KCNAB2: variants seen among roughly 807,000 people sequenced by gnomAD.
The protein encoded by KCNAB2 is voltage-gated potassium channel subunit beta-2.
Under a neutral mutation model 63.6 loss-of-function variants are expected in KCNAB2, and 29 were observed. The ratio of observed to expected loss-of-function variants is 0.46; its 90% CI spans 0.34 to 0.62. The LOEUF (loss-of-function observed/expected upper bound fraction) is 0.62, where lower values mean the gene tolerates loss of function less well. Among genes scored for constraint, KCNAB2 ranks in the 20% least tolerant of loss-of-function variants. The pLI is 0.01. For synonymous variants in KCNAB2, 222 were observed against 224.2 expected (o/e 0.99, Z 0.09); for missense variants, 359 against 563.9 (o/e 0.64, Z 3.68).
At chr1:6,037,500 C>T (rs1162227025) in intron 1 of KCNAB2, among the ~76,000 whole-genome samples, 3 of 152,242 alleles carry the variant, frequency 2.0e-5, no homozygotes, top group African/African-American at 7.2e-5. Context: ...TGTCCACGTC[C>T]CTCAGCTACT....
rs149420739 is a variant in KCNAB2, at chr1:6,090,939, G to A, written c.602-324G>A. ...AGAAGCGTTCAGCGCTTTGAAAATC[G>A]GTTTTGGTTACTTTGGCGTTTTTTA... On this transcript the variant is annotated intron_variant, in intron 9 of 15. Coordinates refer to ENST00000378083, the MANE Select transcript of KCNAB2 (RefSeq NM_001199862.2). Among the ~76,000 whole-genome samples the A allele has an allele frequency of 2.9e-4, 44 of 152,298 alleles. No individual in the cohort carries two copies. In the East Asian group the frequency reaches 6.7e-3, roughly 23 times the overall value.
upstream of KCNAB2, among the ~76,000 whole-genome samples, chr1:6,029,968 A>T (rs1659472525): frequency 6.6e-6 from 1 of 152,244 alleles, no homozygotes; most frequent in African/African-American, 2.4e-5. Context: ...AAGACTTCTC[A>T]CTAAAGGAAG....
At chr1:6,056,543 C>T (rs1255992612) in intron 2 of KCNAB2, among the ~76,000 whole-genome samples, 1 of 152,154 alleles carries the variant, frequency 6.6e-6, no homozygotes, top group Non-Finnish European at 1.5e-5. Context: ...AAGCTGTGGC[C>T]GGGCCCACAC....
At chr1:6,068,539 C>T (rs1662939144) in intron 2 of KCNAB2, among the ~76,000 whole-genome samples, 1 of 152,218 alleles carries the variant, frequency 6.6e-6, no homozygotes, top group African/African-American at 2.4e-5. Context: ...GCTTTCCTTG[C>T]TGCTGTCACG....
chr1:6,016,177 A>C (rs1557933827), intron 1 of KCNAB2, among the ~76,000 whole-genome samples: 1 of 152,148 alleles, frequency 6.6e-6, no homozygotes. Context: ...CTGCCTGCTG[A>C]CAGCTTCAGC....
chr1:6,067,253 G>T (rs1662837906), intron 2 of KCNAB2, among the ~76,000 whole-genome samples: 2 of 152,212 alleles, frequency 1.3e-5, no homozygotes, highest in South Asian at 4.1e-4. Flanking sequence ...CTGGTTCCCA[G>T]GTTTCCTGGG....
At chr1:5,999,923 G>T (rs577260262) in intron 1 of KCNAB2, among the ~76,000 whole-genome samples, 2 of 142,656 alleles carry the variant, frequency 1.4e-5, no homozygotes, top group African/African-American at 5.4e-5. Flanking sequence ...TCTGTGCCCC[G>T]TCCGCATCCC....
intron 7 of KCNAB2, among the ~76,000 whole-genome samples, chr1:6,088,626 TC>T (rs1404862171): frequency 6.6e-6 from 1 of 151,852 alleles, no homozygotes; most frequent in Non-Finnish European, 1.5e-5. Context: ...CAAGTGATCC[TC>T]CTGCCTTAGC....
At chr1:6,016,992 C>T (rs1658543346) in intron 1 of KCNAB2, among the ~76,000 whole-genome samples, 1 of 152,134 alleles carries the variant, frequency 6.6e-6, no homozygotes, top group Admixed American at 6.5e-5. Flanking sequence ...GCTGGAAAGT[C>T]AACAAACCAC....
At chr1:6,082,932 G>T (rs1356278862) in intron 5 of KCNAB2, among the ~76,000 whole-genome samples, 2 of 152,192 alleles carry the variant, frequency 1.3e-5, no homozygotes, top group Non-Finnish European at 2.9e-5. Context: ...GGGCTGCTGT[G>T]CACCATAGCT....
intron 1 of KCNAB2, among the ~76,000 whole-genome samples, chr1:5,997,363 C>T (rs1234772075): frequency 6.6e-6 from 1 of 152,038 alleles, no homozygotes; most frequent in Non-Finnish European, 1.5e-5. Flanking sequence ...AGGGGAGAGC[C>T]CGTTGCCCTG....
At chr1:6,004,027 A>G (rs1230751914) in intron 1 of KCNAB2, among the ~76,000 whole-genome samples, 2 of 152,170 alleles carry the variant, frequency 1.3e-5, no homozygotes, top group Non-Finnish European at 2.9e-5. Context: ...TTATTCTTAC[A>G]GTCCCCCGGA....
At chr1:6,019,465 G>T (rs1210017810) in intron 1 of KCNAB2, among the ~76,000 whole-genome samples, 1 of 152,170 alleles carries the variant, frequency 6.6e-6, no homozygotes, top group Non-Finnish European at 1.5e-5. Flanking sequence ...TGTTGCTCAG[G>T]TTCTGGGTGC....
Position 6,087,479 on chromosome 1 carries a change from C to T in KCNAB2, c.438C>T (p.Leu146=), listed in dbSNP as rs143477926. 5.3e-5 allele frequency: 86 copies of T among 1,614,200 alleles called. No individual in the cohort carries two copies. In the East Asian group the frequency reaches 8.0e-4, roughly 15 times the overall value. Residue 146 remains leucine, a synonymous_variant, in exon 7 of 16, where the codon CTC becomes CTT. Transcript: ENST00000378083. The surrounding 1 kb of genome is among the most constrained non-coding windows in gnomAD (Gnocchi z 6.4). ...IKKKGWRRSS[L]VITTKIFWGG... is the part of the protein sequence containing the mutation. Reference sequence around the variant, plus strand: ...TTCTGTTCCACAGGCGGTCCAGCCTCGTCATCACCACCAAGATCTTCTGGG... The same window carrying T: ...TTCTGTTCCACAGGCGGTCCAGCCTTGTCATCACCACCAAGATCTTCTGGG...
Position 6,100,815 on chromosome 1 carries a change from GA to G in KCNAB2, c.*2242del, listed in dbSNP as rs1383730884. On this transcript the variant is annotated 3_prime_UTR_variant, in exon 16 of 16. Transcript: ENST00000378083. ...AGGGCCAGGTCCCCCCTCTCGGGAG[GA>G]GGTATTGGGTAGGACCATCCAAGAA... The G allele has an allele frequency of 2.0e-5, 3 of 152,236 alleles. No homozygotes were observed. The highest frequency in any genetic ancestry group is 4.8e-5 in the African/African-American group (2 of 41,440). 9.4% of individuals were successfully genotyped at this position (152,236 alleles called of 1,614,324 possible). A position where few individuals can be genotyped will look rare whatever the true frequency, so the allele number is the denominator to read the frequency against.
rs1259176479 is a variant in KCNAB2, at chr1:6,100,219, G to A, written c.*1645G>A. 8 of 832,866 alleles carry A rather than the reference G, an allele frequency of 9.6e-6. No homozygotes were observed. Among genetic ancestry groups the A allele is most frequent in the African/African-American group, 6.9e-5 (4 of 58,222 alleles). The allele number at this position is 832,866 out of a possible 1,614,324, so 51.6% of individuals were successfully genotyped here. Reference sequence around the variant, plus strand: ...AAGGCCAGCGGGGAGAGGCTGGGGCGAGGGGAGGAGGGGGATCAGCTTCTG... The same window carrying A: ...AAGGCCAGCGGGGAGAGGCTGGGGCAAGGGGAGGAGGGGGATCAGCTTCTG... On this transcript the variant is annotated 3_prime_UTR_variant, in exon 16 of 16. Coordinates refer to ENST00000378083, the MANE Select transcript of KCNAB2 (RefSeq NM_001199862.2).
chr1:6,041,545 G>A (rs961322278), upstream of KCNAB2: 11 of 481,212 alleles, frequency 2.3e-5, no homozygotes, highest in African/African-American at 1.2e-4. Context: ...ACCCTCACTC[G>A]GAGGTTCACC....
intron 4 of KCNAB2, among the ~76,000 whole-genome samples, chr1:6,080,283 C>T (rs1244705566): frequency 6.6e-6 from 1 of 152,172 alleles, no homozygotes; most frequent in Non-Finnish European, 1.5e-5. Flanking sequence ...GAACAAGCCA[C>T]CCGTCTGTCC....
chr1:6,098,259 G>A, intron 15 of KCNAB2: 1 of 1,340,606 alleles, frequency 7.5e-7, no homozygotes, highest in Non-Finnish European at 9.6e-7. Flanking sequence ...AGGGCACCTT[G>A]ACATTTGAGA....
Sources: gnomAD v4.1 joint callset for allele counts (sites outside exome capture counted in the v4.1 genomes callset) on GRCh38, gnomAD v4.1.1 for gene constraint, Gnocchi (gnomAD v3.1) non-coding constraint, MANE v1.5 for transcripts, NCBI Gene and HGNC (gene_info 2026-07-23, HGNC 2026-07-21) for gene names.